BBOF1: variants seen among roughly 807,000 people sequenced by gnomAD.
BBOF1 encodes basal body-orientation factor 1.
Under a neutral mutation model 68.0 loss-of-function variants are expected in BBOF1, and 62 were observed. That is an observed-to-expected ratio of 0.91 (90% CI 0.74 to 1.13). The LOEUF (loss-of-function observed/expected upper bound fraction) is 1.13, where lower values mean the gene tolerates loss of function less well. Ranked by LOEUF, BBOF1 falls within the 50% of genes most tolerant of loss-of-function variation. The pLI is 0.00. For synonymous variants in BBOF1, 208 were observed against 198.8 expected (o/e 1.05, Z -0.39); for missense variants, 534 against 600.1 (o/e 0.89, Z 1.15).
At chr14:74,081,884 G>A (rs1200535473) in intron 12 of BBOF1, among the ~76,000 whole-genome samples, 4 of 152,100 alleles carry the variant, frequency 2.6e-5, no homozygotes, top group African/African-American at 7.2e-5. Context: ...CCATATCACC[G>A]ACAGTGCAAG....
chr14:74,078,054 A>C (rs2060632409), intron 9 of BBOF1: 2 of 376,652 alleles, frequency 5.3e-6, no homozygotes, highest in South Asian at 4.1e-5. Context: ...CTTGGGGAAC[A>C]TAACGAGACT....
chr14:74,022,932 G>A lies in BBOF1; in HGVS notation c.73G>A (p.Asp25Asn), dbSNP rs375117077. 188 of 1,608,126 alleles carry A rather than the reference G, an allele frequency of 1.2e-4. 1 individual carries two copies. The African/African-American group carries it at 2.5e-3, about 21-fold the overall frequency. ...GKDTKKLIKT[D>N]ESVVDRAKAN... Reference sequence around the variant, plus strand: ...CCCATGCAGGAAGTTAATAAAAACAGATGAATCTGTGGTGGACAGAGCCAA... The same window carrying A: ...CCCATGCAGGAAGTTAATAAAAACAAATGAATCTGTGGTGGACAGAGCCAA... Residue 25 changes from aspartate to asparagine, a missense_variant, in exon 2 of 12, where the codon GAT (aspartate) becomes AAT (asparagine). Coordinates refer to ENST00000394009, the MANE Select transcript of BBOF1 (RefSeq NM_025057.3).
At chr14:74,082,767 A>G (rs2060683662) in intron 12 of BBOF1, 1 of 152,120 alleles carries the variant, frequency 6.6e-6, no homozygotes, top group South Asian at 2.1e-4. Flanking sequence ...GCTGAGGATT[A>G]CTCTATCTGT....
intron 4 of BBOF1, among the ~76,000 whole-genome samples, chr14:74,036,114 G>A (rs1449451835): frequency 6.6e-6 from 1 of 151,546 alleles, no homozygotes; most frequent in African/African-American, 2.4e-5. Flanking sequence ...AGAGTGCAGT[G>A]GCGCGATCTC....
At chr14:74,026,596 A>G (rs1239574193) in intron 2 of BBOF1, among the ~76,000 whole-genome samples, 1 of 152,112 alleles carries the variant, frequency 6.6e-6, no homozygotes, top group East Asian at 1.9e-4. Context: ...AAGAATGGCA[A>G]AAACCACAAT....
At chr14:74,025,783 C>T (rs2059409604) in intron 2 of BBOF1, among the ~76,000 whole-genome samples, 1 of 152,082 alleles carries the variant, frequency 6.6e-6, no homozygotes, top group African/African-American at 2.4e-5. Context: ...TAAAACAAAC[C>T]AGCATTCCTT....
chr14:74,053,148 C>T (rs937433075), intron 8 of BBOF1, among the ~76,000 whole-genome samples: 1 of 151,970 alleles, frequency 6.6e-6, no homozygotes, highest in Non-Finnish European at 1.5e-5. Flanking sequence ...TGGAATCTCA[C>T]TCTGTCGCCA....
chr14:74,063,372 A>T (rs1241758825), intron 11 of BBOF1, among the ~76,000 whole-genome samples: 2 of 150,988 alleles, frequency 1.3e-5, no homozygotes, highest in African/African-American at 4.9e-5. Flanking sequence ...TTTTTAGTAG[A>T]GGGGGTTTTG....
At chr14:74,072,648 C>T in intron 9 of BBOF1, 1 of 1,599,854 alleles carries the variant, frequency 6.3e-7, no homozygotes, top group Non-Finnish European at 8.5e-7. Flanking sequence ...CAAACAAAAA[C>T]ATGAAACTTT....
intron 6 of BBOF1, 56 bp from the exon 7 acceptor site, chr14:74,047,874 A>G (rs529601088): frequency 2.7e-6 from 4 of 1,484,170 alleles, no homozygotes; most frequent in South Asian, 1.3e-5. Context: ...TCATTTTTCT[A>G]TTTTGGCGAT....
At chr14:74,066,109 C>T (rs898550625), downstream of BBOF1, 10 of 153,962 alleles carry the variant, frequency 6.5e-5, no homozygotes, top group African/African-American at 2.4e-4. Context: ...TTGTCACTTT[C>T]AATAAATATT....
intron 12 of BBOF1, among the ~76,000 whole-genome samples, chr14:74,081,604 G>C (rs2060668506): frequency 6.6e-6 from 1 of 152,100 alleles, no homozygotes; most frequent in Non-Finnish European, 1.5e-5. Flanking sequence ...CCAAACTGCT[G>C]CTCTCTAGAT....
intron 11 of BBOF1, among the ~76,000 whole-genome samples, chr14:74,064,239 A>G (rs898882930): frequency 2.0e-5 from 3 of 151,646 alleles, no homozygotes; most frequent in African/African-American, 7.3e-5. Flanking sequence ...CGGAGGTTGC[A>G]GTGAGCTAAG....
At position 74,065,675 on chromosome 14, in the gene BBOF1, T is replaced by G. The variant is rs1158781229; in HGVS notation, c.*976T>G. Reference sequence around the variant, plus strand: ...ACCTGAACGACTAGTTTCATCCAATTGTTATCAAAAAGTTACATGAAAATT... The same window carrying G: ...ACCTGAACGACTAGTTTCATCCAATGGTTATCAAAAAGTTACATGAAAATT... On this transcript the variant is annotated 3_prime_UTR_variant, in exon 12 of 12. Transcript: ENST00000394009. The G allele has an allele frequency of 3.4e-6, 1 of 295,082 alleles. No homozygotes were observed. Among genetic ancestry groups the G allele is most frequent in the Non-Finnish European group, 6.4e-6 (1 of 155,516 alleles). The allele number at this position is 295,082 out of a possible 1,614,324, so 18.3% of individuals were successfully genotyped here.
downstream of BBOF1, chr14:74,070,555 A>G (rs1243224804): frequency 6.6e-6 from 1 of 152,642 alleles, no homozygotes; most frequent in African/African-American, 2.4e-5. Flanking sequence ...AATGGTGACT[A>G]TGTACTGGGA....
At chr14:74,078,184 T>C (rs1348021105) in intron 9 of BBOF1, 1 of 455,852 alleles carries the variant, frequency 2.2e-6, no homozygotes, top group African/African-American at 2.0e-5. Context: ...GACTTTGTTT[T>C]TCTTACTTCA....
At chr14:74,022,094 G>A (rs1038441338) in intron 1 of BBOF1, among the ~76,000 whole-genome samples, 1 of 152,122 alleles carries the variant, frequency 6.6e-6, no homozygotes, top group African/African-American at 2.4e-5. Context: ...GGAGAATCAG[G>A]CTAGGGCACT....
Position 74,065,639 on chromosome 14 carries a change from G to T in BBOF1, c.*940G>T, listed in dbSNP as rs941169554. 5.3e-6 allele frequency: 2 copies of T among 379,730 alleles called. No individual in the cohort carries two copies. The highest frequency in any genetic ancestry group is 9.7e-6 in the Non-Finnish European group (2 of 206,888). The allele number at this position is 379,730 out of a possible 1,614,324, so 23.5% of individuals were successfully genotyped here. A position where few individuals can be genotyped will look rare whatever the true frequency, so the allele number is the denominator to read the frequency against. The stretch of plus-strand genomic sequence containing the variant: ...TTTAGTTCATGACCCATCATCAGCT[G>T]CCTTTTTAATACCTGAACGACTAGT... On this transcript the variant is annotated 3_prime_UTR_variant, in exon 12 of 12. Coordinates refer to ENST00000394009, the MANE Select transcript of BBOF1 (RefSeq NM_025057.3).
chr14:74,078,212 C>G (rs1202372737), exon 10 of BBOF1: 1 of 456,052 alleles, frequency 2.2e-6, no homozygotes, highest in East Asian at 6.9e-5. Flanking sequence ...CAGAAACCAT[C>G]AGATGAGAAC....
Sources: gnomAD v4.1 joint callset for allele counts (sites outside exome capture counted in the v4.1 genomes callset) on GRCh38, gnomAD v4.1.1 for gene constraint, MANE v1.5 for transcripts, NCBI Gene and HGNC (gene_info 2026-07-23, HGNC 2026-07-21) for gene names.